Variants in NAV2 observed in about 807,000 individuals in gnomAD.
NAV2 encodes helicase, APC down-regulated 1.
Under a neutral mutation model 223.2 loss-of-function variants are expected in NAV2, and 54 were observed. That is an observed-to-expected ratio of 0.24 (90% CI 0.19 to 0.30). The LOEUF is 0.30. NAV2 is among the 10% of genes least tolerant of loss of function. NAV2 has a pLI of 1.00. For synonymous variants in NAV2, 1,279 were observed against 1,239.3 expected, an observed-to-expected ratio of 1.03 and a Z score of -0.67; for missense variants, 2,806 against 3,147.5, an observed-to-expected ratio of 0.89 and a Z score of 2.60.
chr11:20,075,801 G>A (rs1195858939), intron 22 of NAV2, among the ~76,000 whole-genome samples: 10 of 140,610 alleles, frequency 7.1e-5, no homozygotes, highest in South Asian at 2.3e-4. Flanking sequence ...CTTATCCAGC[G>A]TTGATTCCTC....
intron 10 of NAV2, among the ~76,000 whole-genome samples, chr11:19,957,540 C>T (rs777996962): frequency 3.3e-5 from 5 of 152,150 alleles, no homozygotes; most frequent in Non-Finnish European, 7.3e-5. Flanking sequence ...ATCAGTCATC[C>T]CTGATGGCTG....
chr11:19,812,851 A>T (rs1424396687), intron 1 of NAV2, among the ~76,000 whole-genome samples: 1 of 152,182 alleles, frequency 6.6e-6, no homozygotes, highest in Non-Finnish European at 1.5e-5. Context: ...AGGCAATCTT[A>T]AGAGGAGACC....
intron 25 of NAV2, among the ~76,000 whole-genome samples, 178 bp from the exon 26 acceptor site, chr11:20,082,829 C>T (rs2060173838): frequency 6.6e-6 from 1 of 152,202 alleles, no homozygotes; most frequent in African/African-American, 2.4e-5. Context: ...AAGCTGGCAA[C>T]ACCAGATAAC....
rs2049478659 is a variant in NAV2, at chr11:19,700,453, T to A, written c.76-132031T>A. On this transcript the variant is annotated intron_variant, in intron 1 of 37. Coordinates refer to the NAV2 transcript ENST00000360655. ...CTTATTACCAGCAGAGGTAAGAAAC[T>A]GAGGCTCAGAGTGGTTAAGTGACTG... is the stretch of plus-strand genomic sequence containing the variant. Among the ~76,000 whole-genome samples the A allele has an allele frequency of 2.0e-5, 3 of 152,184 alleles. No homozygotes were observed. The South Asian group carries it at 6.2e-4, about 32-fold the overall frequency.
At chr11:19,970,790 G>T (rs1183975885) in intron 10 of NAV2, among the ~76,000 whole-genome samples, 2 of 152,114 alleles carry the variant, frequency 1.3e-5, no homozygotes, top group Non-Finnish European at 2.9e-5. Context: ...CTTTCTACTT[G>T]TATTTTCTTG....
chr11:19,472,237 T>C (rs2041986246), intron 1 of NAV2, among the ~76,000 whole-genome samples: 1 of 152,160 alleles, frequency 6.6e-6, no homozygotes, highest in Non-Finnish European at 1.5e-5. Flanking sequence ...TCCTACGGTA[T>C]AGAGGATAAG....
exon 1 of NAV2, chr11:19,350,819 G>A: frequency 1.2e-6 from 1 of 800,330 alleles, no homozygotes; most frequent in Non-Finnish European, 2.1e-6. Flanking sequence ...GACCTTTGAA[G>A]AGGTGGTGCT....
rs368604908 is a variant in NAV2, at chr11:19,892,452, G to A, written c.789G>A (p.Ala263=). The change falls in exon 6 of 38, where the codon GCG becomes GCA. Residue 263 remains alanine, a synonymous_variant. Coordinates refer to ENST00000349880, the MANE Select transcript of NAV2 (RefSeq NM_145117.5). The part of the protein sequence containing the change: ...EMQSRLPGPT[A]RVSAAGSEAK... ...ATTTTAGACTTCCAGGTCCTACCGC[G>A]AGGGTATCCGCTGCAGGCAGCGAGG... 33 of 1,613,858 alleles carry A rather than the reference G, an allele frequency of 2.0e-5. No individual in the cohort carries two copies. The highest frequency in any genetic ancestry group is 1.7e-4 in the Middle Eastern group (1 of 6,044).
chr11:19,789,646 G>T (rs1347463367), intron 1 of NAV2, among the ~76,000 whole-genome samples: 1 of 152,152 alleles, frequency 6.6e-6, no homozygotes, highest in Non-Finnish European at 1.5e-5. Context: ...TCAGTTATCA[G>T]GTCTTGATTA....
At chr11:19,420,014 G>C (rs1249447034) in intron 1 of NAV2, among the ~76,000 whole-genome samples, 4 of 152,276 alleles carry the variant, frequency 2.6e-5, no homozygotes, top group Admixed American at 1.3e-4. Context: ...TCAGTAGCTG[G>C]AGAGCAAGCA....
chr11:19,522,580 C>A (rs1260851008), intron 1 of NAV2, among the ~76,000 whole-genome samples: 1 of 152,218 alleles, frequency 6.6e-6, no homozygotes, highest in South Asian at 2.1e-4. Flanking sequence ...TGAGCCTCCT[C>A]ACCACTGGAG....
intron 1 of NAV2, among the ~76,000 whole-genome samples, chr11:19,706,632 A>G (rs575029551): frequency 1.6e-4 from 25 of 152,332 alleles, no homozygotes; most frequent in African/African-American, 5.3e-4. Context: ...CTTCTTTGAA[A>G]CTTGAGAGCC....
At position 19,610,726 on chromosome 11, in the gene NAV2, G is replaced by GTGGA. The variant is rs550994245; in HGVS notation, c.76-221733_76-221730dup. Among the ~76,000 whole-genome samples the GTGGA allele has an allele frequency of 1.4e-3, 214 of 151,892 alleles. 1 individual carries two copies. Among genetic ancestry groups the GTGGA allele is most frequent in the Admixed American group, 2.2e-3 (33 of 15,242 alleles). On this transcript the variant is annotated intron_variant, in intron 1 of 37. Transcript: ENST00000360655. Reference sequence around the variant, plus strand: ...GATGGATGGATGGATGGATGGATAAGTGGATGGATGGATGGATGGATGGAT... The same window carrying GTGGA: ...GATGGATGGATGGATGGATGGATAAGTGGATGGATGGATGGATGGATGGATGGAT...
intron 1 of NAV2, among the ~76,000 whole-genome samples, chr11:19,707,526 G>A (rs1273732368): frequency 6.6e-6 from 1 of 152,054 alleles, no homozygotes; most frequent in East Asian, 1.9e-4. Context: ...AGGTCTTCAG[G>A]GGCAAAAACA....
intron 1 of NAV2, among the ~76,000 whole-genome samples, chr11:19,519,340 G>A (rs2043568919): frequency 6.6e-6 from 1 of 152,166 alleles, no homozygotes; most frequent in Non-Finnish European, 1.5e-5. Flanking sequence ...CTCGTAAGGT[G>A]CTTATTGTGT....
chr11:19,557,884 T>C (rs570376499), intron 1 of NAV2, among the ~76,000 whole-genome samples: 1 of 152,286 alleles, frequency 6.6e-6, no homozygotes, highest in African/African-American at 2.4e-5. Context: ...CGAGCCAGAA[T>C]GACAGAGGGC....
Position 19,933,390 on chromosome 11 carries a change from G to C in NAV2, c.1146G>C (p.Glu382Asp). ...TCTCGGTCAAGCCTCCTGGGCCTGAGGCCCCCAGGCCCACACCTGAAGCCA... is the reference window on the plus strand; with the variant it reads ...TCTCGGTCAAGCCTCCTGGGCCTGACGCCCCCAGGCCCACACCTGAAGCCA... ...SMLSVKPPGPEAPRPTPEAMK... is the reference protein window; with the variant it reads ...SMLSVKPPGPDAPRPTPEAMK... Residue 382 changes from glutamate to aspartate, a missense_variant, in exon 7 of 38, where the codon GAG (glutamate) becomes GAC (aspartate). Coordinates refer to ENST00000349880, the MANE Select transcript of NAV2 (RefSeq NM_145117.5). This position sits in a 1 kb window ranked among gnomAD's most constrained non-coding sequence, Gnocchi z 4.3. 1 of 1,579,138 alleles carries C rather than the reference G, an allele frequency of 6.3e-7. No homozygotes were observed.
chr11:20,058,854 GA>G (rs2058522843), intron 19 of NAV2, among the ~76,000 whole-genome samples: 1 of 152,162 alleles, frequency 6.6e-6, no homozygotes. Flanking sequence ...AAATAACTTT[GA>G]AAGGGGAGTA....
chr11:19,448,169 C>G (rs551370638), intron 1 of NAV2, among the ~76,000 whole-genome samples: 1 of 150,970 alleles, frequency 6.6e-6, no homozygotes, highest in African/African-American at 2.4e-5. Context: ...CCATCACACT[C>G]CCCCTGAATT....
Sources: allele counts gnomAD v4.1 joint callset (sites outside exome capture counted in the v4.1 genomes callset), GRCh38; gene constraint gnomAD v4.1.1; non-coding constraint Gnocchi (gnomAD v3.1); transcripts MANE v1.5; gene names NCBI Gene and HGNC (gene_info 2026-07-23, HGNC 2026-07-21).